The following DCAF5 variants were observed in gnomAD, a reference collection of about 807,000 sequenced individuals.
DCAF5 encodes DDB1- and CUL4-associated factor 5.
Under a neutral mutation model 80.7 loss-of-function variants are expected in DCAF5, and 9 were observed. The ratio of observed to expected loss-of-function variants is 0.11; its 90% CI spans 0.07 to 0.19. DCAF5 has a LOEUF of 0.19. Ranked by LOEUF, DCAF5 falls within the 10% of genes least tolerant of loss-of-function variation. The probability of loss-of-function intolerance (pLI) is 1.00; values close to 1 mark genes in which losing one functional copy is unlikely to be tolerated. For missense variants in DCAF5, 842 were observed against 1,205.7 expected, an observed-to-expected ratio of 0.70 and a Z score of 4.47; for synonymous variants, 433 against 461.9, an observed-to-expected ratio of 0.94 and a Z score of 0.80.
intron 1 of DCAF5, among the ~76,000 whole-genome samples, chr14:69,130,875 C>T (rs865847921): frequency 7.2e-5 from 11 of 152,104 alleles, no homozygotes; most frequent in Admixed American, 2.6e-4. Flanking sequence ...ATCTTGGTTT[C>T]GCCATTCATG....
chr14:69,143,490 C>T (rs886379732), intron 1 of DCAF5, among the ~76,000 whole-genome samples: 6 of 151,642 alleles, frequency 4.0e-5, no homozygotes, highest in Admixed American at 1.3e-4. Context: ...ACATGAAATG[C>T]CCCCAAATAA....
At chr14:69,070,137 T>C (rs1031544380) in intron 7 of DCAF5, among the ~76,000 whole-genome samples, 2 of 152,194 alleles carry the variant, frequency 1.3e-5, no homozygotes, top group African/African-American at 4.8e-5. Flanking sequence ...TATGCTTCTT[T>C]CCATAAATAA....
chr14:69,131,026 A>C (rs780657467), intron 1 of DCAF5, among the ~76,000 whole-genome samples: 14 of 152,210 alleles, frequency 9.2e-5, no homozygotes, highest in Non-Finnish European at 1.6e-4. Context: ...TTAGGTGCAC[A>C]CAGCTCTCAA....
chr14:69,131,795 A>G (rs1336054302), intron 1 of DCAF5, among the ~76,000 whole-genome samples: 1 of 150,720 alleles, frequency 6.6e-6, no homozygotes, highest in African/African-American at 2.4e-5. Flanking sequence ...TCTATTTTCA[A>G]GTATAGAGTT....
chr14:69,088,249 A>AC (rs2039413250), intron 6 of DCAF5, among the ~76,000 whole-genome samples: 1 of 152,252 alleles, frequency 6.6e-6, no homozygotes, highest in Non-Finnish European at 1.5e-5. Flanking sequence ...TTGAGAGCCC[A>AC]AAAATCTGGG....
At position 69,077,876 on chromosome 14, in the gene DCAF5, T is replaced by C. The variant is rs553971195; in HGVS notation, c.880-2465A>G. On this transcript the variant is annotated intron_variant, in intron 6 of 8. Transcript: ENST00000341516. ...AGGCAAAGACAGGTGGGTTTAAAGA[T>C]GAAGAAAATGCTATCTATAGGGATT... 5.9e-5 allele frequency among the ~76,000 whole-genome samples: 9 copies of C among 152,236 alleles called. No homozygotes were observed. In the South Asian group the frequency reaches 1.9e-3, roughly 32 times the overall value.
chr14:69,131,090 C>T (rs919169769), intron 1 of DCAF5, among the ~76,000 whole-genome samples: 1 of 152,106 alleles, frequency 6.6e-6, no homozygotes, highest in African/African-American at 2.4e-5. Context: ...ATCTTTCAAA[C>T]CTTGTTTTAG....
chr14:69,099,185 G>A (rs1326397795), intron 5 of DCAF5, among the ~76,000 whole-genome samples: 1 of 151,072 alleles, frequency 6.6e-6, no homozygotes, highest in African/African-American at 2.4e-5. Context: ...CTGGGAGGCG[G>A]AGGTTGCAGT....
At position 69,152,047 on chromosome 14, in the gene DCAF5, G is replaced by T. The variant is rs767379442; in HGVS notation, c.214+718C>A. Among the ~76,000 whole-genome samples, 1 of 152,174 alleles carries T rather than the reference G, an allele frequency of 6.6e-6. No homozygotes were observed. Among genetic ancestry groups the T allele is most frequent in the Non-Finnish European group, 1.5e-5 (1 of 68,016 alleles). On this transcript the variant is annotated intron_variant, in intron 1 of 8. Transcript: ENST00000341516. The surrounding 1 kb of genome is among the most constrained non-coding windows in gnomAD (Gnocchi z 4.1). Reference sequence around the variant, plus strand: ...GGTCCCCCACCCTACCGCCTGCCTCGCAAGTTGCGCATTCAAGTTCAGGCT... The same window carrying T: ...GGTCCCCCACCCTACCGCCTGCCTCTCAAGTTGCGCATTCAAGTTCAGGCT...
chr14:69,134,013 C>T (rs925579428), intron 1 of DCAF5, among the ~76,000 whole-genome samples: 2 of 152,142 alleles, frequency 1.3e-5, no homozygotes, highest in African/African-American at 4.8e-5. Flanking sequence ...AGAAAGAAAT[C>T]CACAAACATT....
rs1043916195 is a variant in DCAF5, at chr14:69,152,036, C to T, written c.214+729G>A. On this transcript the variant is annotated intron_variant, in intron 1 of 8. Transcript: ENST00000341516. The surrounding 1 kb of genome is among the most constrained non-coding windows in gnomAD (Gnocchi z 4.1). ...AGTCTCCCGGGGGTCCCCCACCCTA[C>T]CGCCTGCCTCGCAAGTTGCGCATTC... Among the ~76,000 whole-genome samples, 9 of 152,252 alleles carry T rather than the reference C, an allele frequency of 5.9e-5. No homozygotes were observed. The highest frequency in any genetic ancestry group is 1.2e-4 in the Non-Finnish European group (8 of 68,036).
Position 69,122,203 on chromosome 14 carries a change from A to C in DCAF5, c.358+14T>G. 6.2e-7 allele frequency: 1 copy of C among 1,608,896 alleles called. No individual in the cohort carries two copies. The highest frequency in any genetic ancestry group is 8.5e-7 in the Non-Finnish European group (1 of 1,175,702). On this transcript the variant is annotated intron_variant, in intron 2 of 8. Coordinates refer to ENST00000341516, the MANE Select transcript of DCAF5 (RefSeq NM_003861.3). Reference sequence around the variant, plus strand: ...ACCACAGTGACGTTCCCAAGGTAGAATCTCCCTTTTTACCTCCAGAGAACA... The same window carrying C: ...ACCACAGTGACGTTCCCAAGGTAGACTCTCCCTTTTTACCTCCAGAGAACA...
chr14:69,124,403 T>C (rs1250907701), intron 1 of DCAF5, among the ~76,000 whole-genome samples: 1 of 152,224 alleles, frequency 6.6e-6, no homozygotes, highest in Non-Finnish European at 1.5e-5. Flanking sequence ...AGATTTCTTC[T>C]TATAATAAAA....
intron 6 of DCAF5, among the ~76,000 whole-genome samples, chr14:69,078,417 G>C (rs1357756704): frequency 6.6e-6 from 1 of 152,112 alleles, no homozygotes; most frequent in Non-Finnish European, 1.5e-5. Flanking sequence ...ATTAAAGATA[G>C]AATTATCATA....
At chr14:69,148,104 A>C (rs75877922) in intron 1 of DCAF5, among the ~76,000 whole-genome samples, 5 of 54,444 alleles carry the variant, frequency 9.2e-5, no homozygotes, top group East Asian at 0.17. Context: ...TTTCTTCGCA[A>C]AAAAAAAAAA....
chr14:69,104,670 A>G (rs756859297), intron 5 of DCAF5, among the ~76,000 whole-genome samples: 1 of 152,136 alleles, frequency 6.6e-6, no homozygotes, highest in Non-Finnish European at 1.5e-5. Context: ...AGCCTGGCCA[A>G]CATGGTGAAA....
intron 6 of DCAF5, among the ~76,000 whole-genome samples, chr14:69,079,711 G>C (rs1016207354): frequency 6.6e-6 from 1 of 152,070 alleles, no homozygotes; most frequent in African/African-American, 2.4e-5. Flanking sequence ...TCCAGGGAAG[G>C]GAAGGCAGAG....
Position 69,054,310 on chromosome 14 carries a change from C to T in DCAF5, c.2376G>A (p.Pro792=), listed in dbSNP as rs780384727. The T allele has an allele frequency of 4.1e-5, 66 of 1,614,068 alleles. No individual in the cohort carries two copies. Among genetic ancestry groups the T allele is most frequent in the South Asian group, 2.1e-4 (19 of 91,086 alleles). The change falls in exon 9 of 9, where the codon CCG becomes CCA. Residue 792 remains proline, a synonymous_variant. Coordinates refer to ENST00000341516, the MANE Select transcript of DCAF5 (RefSeq NM_003861.3). ...GKALSSRAEE[P]PSPPVPKASG... is the part of the protein sequence containing the mutation. ...ATGCCTTGGGGACAGGAGGAGAAGG[C>T]GGCTCCTCAGCCCGACTGCTCAGGG...
chr14:69,107,269 G>T (rs191934448), intron 5 of DCAF5, among the ~76,000 whole-genome samples: 1 of 152,126 alleles, frequency 6.6e-6, no homozygotes, highest in Non-Finnish European at 1.5e-5. Context: ...AGGAATGGAC[G>T]CAAGCAATCT....
Sources: allele counts gnomAD v4.1 joint callset (sites outside exome capture counted in the v4.1 genomes callset), GRCh38; gene constraint gnomAD v4.1.1; non-coding constraint Gnocchi (gnomAD v3.1); transcripts MANE v1.5; gene names NCBI Gene and HGNC (gene_info 2026-07-23, HGNC 2026-07-21).